CDKN2A: variants seen among roughly 807,000 people sequenced by gnomAD.
CDKN2A encodes cyclin-dependent kinase inhibitor 2A.
A neutral mutation model predicts 11.1 loss-of-function variants in CDKN2A; 3 were observed. The observed-to-expected ratio is 0.27, with a 90% confidence interval of 0.12 to 0.70. CDKN2A has a LOEUF of 0.70. Ranked by LOEUF, CDKN2A falls within the 30% of genes least tolerant of loss-of-function variation. The pLI is 0.77. For synonymous variants in CDKN2A, 122 were observed against 108.1 expected (o/e 1.13, Z -0.80); for missense variants, 265 against 233.6 (o/e 1.13, Z -0.88).
chr9:21,981,290 A>C (rs902115523), intron 2 of CDKN2A, among the ~76,000 whole-genome samples: 1 of 149,618 alleles, frequency 6.7e-6, no homozygotes, highest in East Asian at 2.0e-4. Flanking sequence ...AGGAGGGAAG[A>C]CTGGGGTGAT....
upstream of CDKN2A, chr9:21,975,173 C>T: frequency 8.7e-7 from 1 of 1,148,058 alleles, no homozygotes. Flanking sequence ...CTGGGCTCCT[C>T]CCCACCTGCC....
chr9:21,975,155 A>G, upstream of CDKN2A: 1 of 1,189,116 alleles, frequency 8.4e-7, no homozygotes, highest in Non-Finnish European at 1.0e-6. Context: ...GTTGGCAAGG[A>G]AGGAGGACTG....
upstream of CDKN2A, among the ~76,000 whole-genome samples, chr9:21,979,698 T>A (rs1820129754): frequency 6.6e-6 from 1 of 152,156 alleles, no homozygotes; most frequent in South Asian, 2.1e-4. Context: ...TTGAGAATCG[T>A]AAAGGTTTGG....
In CDKN2A at chr9:21,988,086, C is replaced by A. The variant is rs1419928605; in HGVS notation, c.-4+5796G>T. Among the ~76,000 whole-genome samples the A allele has an allele frequency of 6.6e-6, 1 of 152,014 alleles. No homozygotes were observed. Among genetic ancestry groups the A allele is most frequent in the East Asian group, 1.9e-4 (1 of 5,180 alleles). ...GCAGAGGCTTTTTTATTTACGTTAC[C>A]TTGATTGTACGATTTTATTAGTTTC... On this transcript the variant is annotated intron_variant, in intron 2 of 3. Coordinates refer to the CDKN2A transcript ENST00000494262. The surrounding 1 kb of genome is among the most constrained non-coding windows in gnomAD (Gnocchi z 4.1).
intron 2 of CDKN2A, among the ~76,000 whole-genome samples, chr9:21,986,615 T>C (rs547031456): frequency 1.3e-4 from 19 of 151,956 alleles, no homozygotes; most frequent in African/African-American, 4.3e-4. Flanking sequence ...AATGAAAAAA[T>C]GAAACATTGA....
chr9:21,987,064 C>A (rs1820315723), intron 2 of CDKN2A, among the ~76,000 whole-genome samples: 1 of 152,008 alleles, frequency 6.6e-6, no homozygotes, highest in African/African-American at 2.4e-5. Flanking sequence ...TAATATTAGA[C>A]AAATTTTAGC....
In CDKN2A at chr9:21,974,303, T is replaced by C; in HGVS notation, c.150+375A>G. On this transcript the variant is annotated intron_variant, in intron 1 of 2. Coordinates refer to ENST00000304494, the MANE Select transcript of CDKN2A (RefSeq NM_000077.5). This position sits in a 1 kb window ranked among gnomAD's most constrained non-coding sequence, Gnocchi z 5.2. ...GAAAGATAAGCTCCATCCAGGTATC[T>C]GTGAATTGGAGGCTAAGTAGTCCCA... is the stretch of plus-strand genomic sequence containing the variant. 2 of 887,984 alleles carry C rather than the reference T, an allele frequency of 2.3e-6. No homozygotes were observed. Among genetic ancestry groups the C allele is most frequent in the Middle Eastern group, 3.7e-4 (1 of 2,668 alleles). 55.0% of individuals were successfully genotyped at this position (887,984 alleles called of 1,614,324 possible).
At chr9:21,982,956 C>G (rs1361824633) in intron 2 of CDKN2A, among the ~76,000 whole-genome samples, 2 of 152,030 alleles carry the variant, frequency 1.3e-5, no homozygotes, top group Non-Finnish European at 2.9e-5. Flanking sequence ...GAGGTCCTCA[C>G]TCTCCCTACT....
Position 21,968,561 on chromosome 9 carries a change from C to G in CDKN2A, c.458-319G>C. ...AAAACGAGTGTTATATAATGAGTCT[C>G]AGTGGTTGCTCACAATGCCAGGCGC... On this transcript the variant is annotated intron_variant, in intron 2 of 2. Coordinates refer to ENST00000304494, the MANE Select transcript of CDKN2A (RefSeq NM_000077.5). The surrounding 1 kb of genome is among the most constrained non-coding windows in gnomAD (Gnocchi z 4.7). 6.8e-7 allele frequency: 1 copy of G among 1,463,162 alleles called. No homozygotes were observed. Among genetic ancestry groups the G allele is most frequent in the African/African-American group, 1.4e-5 (1 of 70,546 alleles). 90.6% of individuals were successfully genotyped at this position (1,463,162 alleles called of 1,614,324 possible).
At chr9:21,971,739 G>C (rs931878679) in intron 1 of CDKN2A, among the ~76,000 whole-genome samples, 2 of 151,784 alleles carry the variant, frequency 1.3e-5, no homozygotes, top group Non-Finnish European at 2.9e-5. Flanking sequence ...CATTATATTA[G>C]TTTTAAAATT....
chr9:21,976,004 A>G (rs1160505545), upstream of CDKN2A, among the ~76,000 whole-genome samples: 1 of 152,356 alleles, frequency 6.6e-6, no homozygotes, highest in Middle Eastern at 3.4e-3. Flanking sequence ...ACAGTGCCAC[A>G]CATCCTAAGC....
chr9:21,969,897 C>A, intron 2 of CDKN2A: 1 of 397,210 alleles, frequency 2.5e-6, no homozygotes, highest in Non-Finnish European at 4.4e-6. Flanking sequence ...ACAGCATCTC[C>A]AAGCAGAGGG....
intron 2 of CDKN2A, among the ~76,000 whole-genome samples, chr9:21,990,578 C>T (rs1442776957): frequency 7.6e-6 from 1 of 131,260 alleles, no homozygotes; most frequent in African/African-American, 2.8e-5. Flanking sequence ...CCCAACCCCT[C>T]TCATCCTGCG....
In CDKN2A at chr9:21,970,932, C is replaced by T. The variant is rs754195015; in HGVS notation, c.427G>A (p.Ala143Thr). 16 of 1,612,502 alleles carry T rather than the reference C, an allele frequency of 9.9e-6. No individual in the cohort carries two copies. The highest frequency in any genetic ancestry group is 1.3e-5 in the Non-Finnish European group (15 of 1,180,032). ...AAGGTRGSNH[A>T]RIDAAEGPSD... Reference sequence around the variant, plus strand: ...GGACCTTCCGCGGCATCTATGCGGGCATGGTTACTGCCTCTGGTGCCCCCC... The same window carrying T: ...GGACCTTCCGCGGCATCTATGCGGGTATGGTTACTGCCTCTGGTGCCCCCC... The change falls in exon 2 of 3, where the codon GCC (alanine) becomes ACC (threonine). Residue 143 changes from alanine (A) to threonine (T), a missense_variant. Physicochemically the swap from Ala to Thr is moderately conservative, Grantham distance 58. Coordinates refer to ENST00000304494, the MANE Select transcript of CDKN2A (RefSeq NM_000077.5).
intron 1 of CDKN2A, chr9:21,994,565 G>A (rs1820553270): frequency 2.8e-6 from 3 of 1,070,942 alleles, no homozygotes; most frequent in Non-Finnish European, 3.7e-6. Context: ...TCTCGGAACG[G>A]CTCTGAGCCC....
At position 21,988,232 on chromosome 9, in the gene CDKN2A, T is replaced by C. The variant is rs1820346807; in HGVS notation, c.-4+5650A>G. Among the ~76,000 whole-genome samples the C allele has an allele frequency of 6.6e-6, 1 of 152,206 alleles. No homozygotes were observed. The highest frequency in any genetic ancestry group is 2.1e-4 in the South Asian group (1 of 4,838). On this transcript the variant is annotated intron_variant, in intron 2 of 3. Coordinates refer to the CDKN2A transcript ENST00000494262. The surrounding 1 kb of genome is among the most constrained non-coding windows in gnomAD (Gnocchi z 4.1). Reference sequence around the variant, plus strand: ...TTAAATAATTTATGATATTTTATTTTGAAGGTGAAAGAGAAAACTGAGAAA... The same window carrying C: ...TTAAATAATTTATGATATTTTATTTCGAAGGTGAAAGAGAAAACTGAGAAA...
At chr9:21,983,704 T>C (rs1273352467) in intron 2 of CDKN2A, among the ~76,000 whole-genome samples, 1 of 152,100 alleles carries the variant, frequency 6.6e-6, no homozygotes, top group African/African-American at 2.4e-5. Context: ...AAATGTTTGC[T>C]GTAGCTGTTG....
rs1060501260 is a variant in CDKN2A, at chr9:21,971,156, G to A, written c.203C>T (p.Ala68Val). The A allele has an allele frequency of 6.3e-7, 1 of 1,593,862 alleles. No individual in the cohort carries two copies. The highest frequency in any genetic ancestry group is 8.5e-7 in the Non-Finnish European group (1 of 1,176,910). Reference protein sequence around the residue: ...RVAELLLLHGAEPNCADPATL... With the variant: ...RVAELLLLHGVEPNCADPATL... ...GGCGGGGTCGGCGCAGTTGGGCTCC[G>A]CGCCGTGGAGCAGCAGCAGCTCCGC... Residue 68 changes from alanine to valine, a missense_variant, in exon 2 of 3, where the codon GCG becomes GTG. Physicochemically the swap from Ala to Val is moderately conservative, Grantham distance 64. Coordinates refer to ENST00000304494, the MANE Select transcript of CDKN2A (RefSeq NM_000077.5).
At chr9:21,994,099 G>A (rs368999894) in intron 1 of CDKN2A, 8 of 1,584,862 alleles carry the variant, frequency 5.0e-6, no homozygotes, top group Non-Finnish European at 6.0e-6. Context: ...AACAAAACAA[G>A]TGCCGAATGC....
Sources: gnomAD v4.1 joint callset for allele counts (sites outside exome capture counted in the v4.1 genomes callset) on GRCh38, gnomAD v4.1.1 for gene constraint, Gnocchi (gnomAD v3.1) non-coding constraint, MANE v1.5 for transcripts, NCBI Gene and HGNC (gene_info 2026-07-23, HGNC 2026-07-21) for gene names.